NOL4L: variants seen among roughly 807,000 people sequenced by gnomAD.
NOL4L encodes the protein nucleolar protein 4-like.
In NOL4L, 7 loss-of-function variants were observed where a neutral mutation model predicts 64.5. The observed-to-expected ratio is 0.11, with a 90% CI of 0.06 to 0.20. The LOEUF (loss-of-function observed/expected upper bound fraction) is 0.20, where lower values mean the gene tolerates loss of function less well. Among genes scored for constraint, NOL4L ranks in the 10% least tolerant of loss-of-function variants. The pLI is 1.00. For missense variants in NOL4L, 680 were observed against 967.1 expected, an observed-to-expected ratio of 0.70 and a Z score of 3.94; for synonymous variants, 413 against 401.0, an observed-to-expected ratio of 1.03 and a Z score of -0.36.
intron 4 of NOL4L, among the ~76,000 whole-genome samples, chr20:32,485,093 A>AAAATG (rs2016027880): frequency 8.7e-6 from 1 of 114,526 alleles, no homozygotes; most frequent in Non-Finnish European, 1.9e-5. Context: ...AAAAACAACT[A>AAAATG]AAAAAAAACC....
intron 4 of NOL4L, among the ~76,000 whole-genome samples, chr20:32,503,380 C>T (rs759838570): frequency 9.2e-5 from 14 of 152,122 alleles, no homozygotes; most frequent in African/African-American, 2.2e-4. Context: ...AAGCCAGAAG[C>T]GGACAAGCAA....
chr20:32,448,065 C>T (rs767361472), intron 10 of NOL4L, among the ~76,000 whole-genome samples: 37 of 152,098 alleles, frequency 2.4e-4, no homozygotes, highest in Non-Finnish European at 4.7e-4. Flanking sequence ...GAGGAAGAGG[C>T]GGCCTTGGGG....
intron 4 of NOL4L, among the ~76,000 whole-genome samples, chr20:32,479,822 C>T (rs758924396): frequency 6.6e-6 from 1 of 152,220 alleles, no homozygotes; most frequent in Non-Finnish European, 1.5e-5. Context: ...GGGTAGCACC[C>T]AGTCAGCCTC....
intron 1 of NOL4L, among the ~76,000 whole-genome samples, chr20:32,582,583 TG>T (rs1013027206): frequency 6.7e-6 from 1 of 148,720 alleles, no homozygotes; most frequent in East Asian, 2.0e-4. Context: ...CTGCCAGGTC[TG>T]GGGGGTCACC....
chr20:32,495,777 C>T (rs779748252), intron 4 of NOL4L, among the ~76,000 whole-genome samples: 2 of 151,926 alleles, frequency 1.3e-5, no homozygotes, highest in Admixed American at 6.6e-5. Context: ...GGCAACATGG[C>T]GAGACCCCAT....
At chr20:32,450,089 G>C (rs1431391942) in intron 10 of NOL4L, 3 of 152,280 alleles carry the variant, frequency 2.0e-5, no homozygotes, top group Non-Finnish European at 4.4e-5. Flanking sequence ...ACTGCCGTAT[G>C]GTGGGTAGAG....
intron 5 of NOL4L, among the ~76,000 whole-genome samples, chr20:32,473,161 T>G (rs538509522): frequency 1.1e-3 from 175 of 152,202 alleles, no homozygotes; most frequent in Non-Finnish European, 2.0e-3. Context: ...GGGACCATGG[T>G]CCCTTCAGCC....
chr20:32,462,913 A>AAAAAAAAAAAAAAAC lies in NOL4L; in HGVS notation c.842-6519_842-6518insGTTTTTTTTTTTTTT, dbSNP rs1208831257. On this transcript the variant is annotated intron_variant, in intron 5 of 10. Transcript: ENST00000621426. ...AGCGAGACTCTGTCTTAAAAAAAAA[A>AAAAAAAAAAAAAAAC]AAAAAAAAAACTGATTTAAAAGAGA... 4.0e-5 allele frequency among the ~76,000 whole-genome samples: 6 copies of AAAAAAAAAAAAAAAC among 150,494 alleles called. 1 individual carries two copies. The East Asian group carries it at 5.9e-4, about 15-fold the overall frequency.
At chr20:32,580,889 G>A (rs1170662246) in intron 1 of NOL4L, among the ~76,000 whole-genome samples, 1 of 152,218 alleles carries the variant, frequency 6.6e-6, no homozygotes, top group Non-Finnish European at 1.5e-5. Flanking sequence ...CAGGCTCTGG[G>A]GACGGCTCCA....
intron 1 of NOL4L, among the ~76,000 whole-genome samples, chr20:32,559,557 C>T (rs1216794189): frequency 6.6e-6 from 1 of 152,156 alleles, no homozygotes; most frequent in Non-Finnish European, 1.5e-5. Flanking sequence ...AATGTTATTA[C>T]GTTCATTTTG....
At position 32,478,242 on chromosome 20, in the gene NOL4L, T is replaced by TACACACAC. The variant is rs553898145; in HGVS notation, c.700-3508_700-3501dup. Among the ~76,000 whole-genome samples the TACACACAC allele has an allele frequency of 9.1e-3, 1,323 of 145,070 alleles. 16 individuals are homozygous for TACACACAC. The highest frequency in any genetic ancestry group is 0.023 in the African/African-American group (880 of 37,698). On this transcript the variant is annotated intron_variant, in intron 4 of 10. Transcript: ENST00000621426. ...AACTCATGGGTGATGAGGCTATATT[T>TACACACAC]ACACACACACACACACACACACACA...
chr20:32,495,441 G>A (rs2016648478), intron 4 of NOL4L, among the ~76,000 whole-genome samples: 1 of 152,202 alleles, frequency 6.6e-6, no homozygotes, highest in African/African-American at 2.4e-5. Flanking sequence ...TGGTGCAGGA[G>A]AGGCAGATGG....
chr20:32,511,900 G>A (rs296470), intron 3 of NOL4L, among the ~76,000 whole-genome samples: 17,839 of 152,124 alleles, frequency 0.12, 1,394 homozygotes, highest in African/African-American at 0.22. Context: ...TAGCTACATA[G>A]GAGGCTGAAG....
intron 4 of NOL4L, among the ~76,000 whole-genome samples, chr20:32,478,107 C>A (rs144377148): frequency 6.6e-6 from 1 of 152,256 alleles, no homozygotes; most frequent in Non-Finnish European, 1.5e-5. Flanking sequence ...GTGCCCAGAG[C>A]CTGCATCACA....
Position 32,510,030 on chromosome 20 carries a change from A to G in NOL4L, c.699+1317T>C. 4.7e-6 allele frequency: 5 copies of G among 1,058,446 alleles called. No individual in the cohort carries two copies. The South Asian group carries it at 6.6e-5, about 14-fold the overall frequency. The allele number at this position is 1,058,446 out of a possible 1,614,324, so 65.6% of individuals were successfully genotyped here. ...TGCACAGTGGTGCTGGGATTCTATA[A>G]CCAACAACAAAAGCAACACCCTCAT... is the stretch of plus-strand genomic sequence containing the variant. On this transcript the variant is annotated intron_variant, in intron 4 of 10. Coordinates refer to ENST00000621426, the MANE Select transcript of NOL4L (RefSeq NM_001256798.2).
At chr20:32,568,318 A>G (rs1262151375) in intron 1 of NOL4L, among the ~76,000 whole-genome samples, 1 of 152,170 alleles carries the variant, frequency 6.6e-6, no homozygotes, top group African/African-American at 2.4e-5. Context: ...TGGATAAATG[A>G]GTGAATGAAT....
chr20:32,580,222 T>C (rs1240403938), intron 1 of NOL4L, among the ~76,000 whole-genome samples: 1 of 152,188 alleles, frequency 6.6e-6, no homozygotes, highest in African/African-American at 2.4e-5. Context: ...ATCACAGCAC[T>C]GGCCTCTAGG....
Position 32,570,635 on chromosome 20 carries a change from G to A in NOL4L, c.321+13935C>T, listed in dbSNP as rs544725957. 1.7e-4 allele frequency among the ~76,000 whole-genome samples: 26 copies of A among 152,206 alleles called. No homozygotes were observed. In the South Asian group the frequency reaches 4.1e-3, roughly 24 times the overall value. Reference sequence around the variant, plus strand: ...GGCCCAGCGGGTGTCCAGAAAACCCGCCCACACCAGAGGCCCGTCTCAAGG... The same window carrying A: ...GGCCCAGCGGGTGTCCAGAAAACCCACCCACACCAGAGGCCCGTCTCAAGG... On this transcript the variant is annotated intron_variant, in intron 1 of 10. Transcript: ENST00000621426.
intron 1 of NOL4L, chr20:32,535,731 TA>T (rs2018499501): frequency 1.0e-6 from 1 of 985,356 alleles, no homozygotes; most frequent in Admixed American, 6.2e-5. Context: ...TGGGTTTTGT[TA>T]ACTCTGGGAT....
Sources: allele counts gnomAD v4.1 joint callset (sites outside exome capture counted in the v4.1 genomes callset), GRCh38; gene constraint gnomAD v4.1.1; transcripts MANE v1.5; gene names NCBI Gene and HGNC (gene_info 2026-07-23, HGNC 2026-07-21).